LRRC72: variants seen among roughly 807,000 people sequenced by gnomAD.
LRRC72 encodes leucine rich repeat containing 72.
In LRRC72, 41 loss-of-function variants were observed where a neutral mutation model predicts 35.8. That is an observed-to-expected ratio of 1.15 (90% CI 0.89 to 1.49). The LOEUF is 1.49. Ranked by LOEUF, LRRC72 falls within the 40% of genes most tolerant of loss-of-function variation. The probability of loss-of-function intolerance (pLI) is 0.00; values close to 1 mark genes in which losing one functional copy is unlikely to be tolerated. For synonymous variants in LRRC72, 118 were observed against 119.2 expected (o/e 0.99, Z 0.07); for missense variants, 389 against 330.7 (o/e 1.18, Z -1.37).
chr7:16,559,027 T>G, intron 5 of LRRC72, 28 bp downstream of exon 5: 2 of 1,275,810 alleles, frequency 1.6e-6, no homozygotes, highest in Non-Finnish European at 2.2e-6. Flanking sequence ...TATATGGCCA[T>G]AAGTTAAAAT....
chr7:16,578,786 G>T (rs1387490266), intron 7 of LRRC72, among the ~76,000 whole-genome samples: 1 of 152,142 alleles, frequency 6.6e-6, no homozygotes, highest in Non-Finnish European at 1.5e-5. Flanking sequence ...ATGAAGACGA[G>T]AACAGGGAAA....
chr7:16,541,131 A>T (rs1318175582), intron 3 of LRRC72, among the ~76,000 whole-genome samples: 1 of 152,216 alleles, frequency 6.6e-6, no homozygotes, highest in Non-Finnish European at 1.5e-5. Context: ...TCCAAGCAAA[A>T]GAGCAAGACC....
intron 1 of LRRC72, 54 bp downstream of exon 1, chr7:16,527,096 G>T (rs1481086836): frequency 4.2e-5 from 61 of 1,436,296 alleles, no homozygotes; most frequent in South Asian, 4.0e-4. Context: ...CCTGCCCCAG[G>T]GCCCCACCTC....
intron 3 of LRRC72, among the ~76,000 whole-genome samples, chr7:16,540,493 G>A (rs1782338515): frequency 1.3e-5 from 2 of 152,174 alleles, no homozygotes; most frequent in Non-Finnish European, 2.9e-5. Context: ...AGACTTTGGG[G>A]AACTGTTGGG....
chr7:16,565,429 C>CA (rs11284083), intron 5 of LRRC72, among the ~76,000 whole-genome samples: 21,032 of 115,176 alleles, frequency 0.18, 1,980 homozygotes, highest in African/African-American at 0.3. Context: ...AAGACTCTGT[C>CA]AAAAAAAAAA....
intron 3 of LRRC72, among the ~76,000 whole-genome samples, chr7:16,555,635 G>A (rs746434067): frequency 5.3e-5 from 8 of 152,158 alleles, no homozygotes; most frequent in Non-Finnish European, 1.0e-4. Context: ...AGCTGGCTAT[G>A]GCGGCATGTG....
At chr7:16,550,286 C>T (rs1052476230) in intron 3 of LRRC72, among the ~76,000 whole-genome samples, 4 of 152,124 alleles carry the variant, frequency 2.6e-5, no homozygotes, top group Non-Finnish European at 5.9e-5. Context: ...CACTAACCAG[C>T]TAATAACATA....
chr7:16,573,515 C>G (rs562264975), intron 7 of LRRC72, among the ~76,000 whole-genome samples: 16 of 152,210 alleles, frequency 1.1e-4, no homozygotes, highest in Non-Finnish European at 2.2e-4. Context: ...CTACAACCAT[C>G]TGATCTTTGA....
At chr7:16,527,065 A>C (rs1252150216) in intron 1 of LRRC72, 23 bp downstream of exon 1, 1 of 1,532,606 alleles carries the variant, frequency 6.5e-7, no homozygotes, top group African/African-American at 1.4e-5. Context: ...TGCCTTCCCA[A>C]GCCATCAGCC....
chr7:16,554,076 C>T (rs1450691869), intron 3 of LRRC72, among the ~76,000 whole-genome samples: 5 of 152,188 alleles, frequency 3.3e-5, no homozygotes, highest in Admixed American at 1.3e-4. Flanking sequence ...CACCTGTAAT[C>T]CCAGCACTTC....
chr7:16,527,735 G>C (rs539219380), intron 1 of LRRC72, among the ~76,000 whole-genome samples: 2 of 152,242 alleles, frequency 1.3e-5, no homozygotes, highest in African/African-American at 4.8e-5. Flanking sequence ...CGAGAGTTCT[G>C]TAATGAATTG....
At chr7:16,580,256 T>A (rs562192374) in intron 8 of LRRC72, among the ~76,000 whole-genome samples, 155 bp downstream of exon 8, 20 of 152,328 alleles carry the variant, frequency 1.3e-4, no homozygotes, top group Middle Eastern at 3.4e-3. Context: ...CTGTGATAAA[T>A]GAGTTCAAGC....
At chr7:16,541,824 T>C (rs1782362233) in intron 3 of LRRC72, among the ~76,000 whole-genome samples, 1 of 152,054 alleles carries the variant, frequency 6.6e-6, no homozygotes, top group African/African-American at 2.4e-5. Flanking sequence ...AGGAAGAAAA[T>C]TGCTTGAACT....
intron 3 of LRRC72, among the ~76,000 whole-genome samples, chr7:16,543,420 T>C (rs1403553745): frequency 6.6e-6 from 1 of 152,268 alleles, no homozygotes; most frequent in East Asian, 1.9e-4. Context: ...GAATGCATTT[T>C]TTTTGTTTAT....
At chr7:16,580,924 C>A (rs1177129241) in intron 8 of LRRC72, among the ~76,000 whole-genome samples, 1 of 151,934 alleles carries the variant, frequency 6.6e-6, no homozygotes, top group East Asian at 1.9e-4. Flanking sequence ...TGAATATTAT[C>A]TCCATGTACA....
chr7:16,553,072 AT>A (rs1782583444), intron 3 of LRRC72, among the ~76,000 whole-genome samples: 3 of 152,230 alleles, frequency 2.0e-5, no homozygotes, highest in African/African-American at 7.2e-5. Flanking sequence ...AGATTATTAC[AT>A]TTCTTCTTCT....
At chr7:16,536,182 T>G (rs1301166845) in intron 2 of LRRC72, among the ~76,000 whole-genome samples, 1 of 151,896 alleles carries the variant, frequency 6.6e-6, no homozygotes, top group Admixed American at 6.6e-5. Context: ...CCAAAAAAAC[T>G]AATGTTAAGG....
intron 5 of LRRC72, among the ~76,000 whole-genome samples, chr7:16,564,252 C>G (rs367607668): frequency 6.6e-6 from 1 of 152,208 alleles, no homozygotes; most frequent in Non-Finnish European, 1.5e-5. Flanking sequence ...GACTTCTGTA[C>G]TAAAGCATCT....
Position 16,566,438 on chromosome 7 carries a change from G to A in LRRC72, c.517+36G>A, listed in dbSNP as rs187157312. ...TTCCTTCTTGCAAAGAAATATTTGA[G>A]AAGTAGTCTTATAGCTCAGCGGTTT... On this transcript the variant is annotated intron_variant, in intron 6 of 8. Transcript: ENST00000401542. 20 of 1,407,088 alleles carry A rather than the reference G, an allele frequency of 1.4e-5. No homozygotes were observed. The East Asian group carries it at 5.0e-4, about 35-fold the overall frequency. The allele number at this position is 1,407,088 out of a possible 1,614,324, so 87.2% of individuals were successfully genotyped here. A position where few individuals can be genotyped will look rare whatever the true frequency, so the allele number is the denominator to read the frequency against.
Sources: allele counts gnomAD v4.1 joint callset (sites outside exome capture counted in the v4.1 genomes callset), GRCh38; gene constraint gnomAD v4.1.1; transcripts MANE v1.5; gene names NCBI Gene and HGNC (gene_info 2026-07-23, HGNC 2026-07-21).